The following ABTB3 variants were observed in gnomAD, a reference collection of about 807,000 sequenced individuals.
ABTB3 encodes ankyrin repeat- and BTB/POZ domain-containing protein 3.
At chr12:107,629,732 G>T in the ABTB3 span, among the ~76,000 whole-genome samples, 1 of 151,672 alleles carries the variant, frequency 6.6e-6, no homozygotes, top group South Asian at 2.1e-4. Flanking sequence ...AAAGCACTGT[G>T]CTTAAATGTG....
At chr12:107,460,770 G>C in the ABTB3 span, among the ~76,000 whole-genome samples, 47 of 152,224 alleles carry the variant, frequency 3.1e-4, no homozygotes, top group African/African-American at 1.1e-3. Flanking sequence ...GGGGCTGGGG[G>C]TTGTGTGATG....
At chr12:107,414,151 G>A in the ABTB3 span, among the ~76,000 whole-genome samples, 2 of 152,154 alleles carry the variant, frequency 1.3e-5, no homozygotes, top group African/African-American at 2.4e-5. Flanking sequence ...TTTTTAGACT[G>A]ATTAGAATCT....
the ABTB3 span, among the ~76,000 whole-genome samples, chr12:107,637,859 A>G: frequency 1.3e-4 from 19 of 149,966 alleles, no homozygotes; most frequent in Admixed American, 7.3e-4. Context: ...TGCCCTCCCA[A>G]TGAATTCTGG....
chr12:107,517,548 C>T, the ABTB3 span, among the ~76,000 whole-genome samples: 1 of 152,128 alleles, frequency 6.6e-6, no homozygotes, highest in South Asian at 2.1e-4. Flanking sequence ...TTTTGTTGAG[C>T]AATGGTTTGT....
the ABTB3 span, among the ~76,000 whole-genome samples, chr12:107,444,372 G>C: frequency 1.1e-4 from 16 of 152,310 alleles, no homozygotes; most frequent in African/African-American, 3.1e-4. Context: ...TGGCAGGCCT[G>C]GCTAGGCCTG....
the ABTB3 span, among the ~76,000 whole-genome samples, chr12:107,331,004 A>G: frequency 6.6e-6 from 1 of 152,154 alleles, no homozygotes; most frequent in Middle Eastern, 3.2e-3. Context: ...CTTAAAGTAC[A>G]GTGCCTGCCT....
the ABTB3 span, among the ~76,000 whole-genome samples, chr12:107,406,390 A>G: frequency 2.4e-4 from 36 of 152,192 alleles, no homozygotes; most frequent in African/African-American, 8.0e-4. Flanking sequence ...TGATCACACC[A>G]CTATATTCCA....
At chr12:107,448,558 T>C in the ABTB3 span, among the ~76,000 whole-genome samples, 1 of 152,196 alleles carries the variant, frequency 6.6e-6, no homozygotes, top group South Asian at 2.1e-4. Context: ...CAAGGCATGG[T>C]GTGCAAAGCA....
At chr12:107,449,869 T>G in the ABTB3 span, among the ~76,000 whole-genome samples, 1 of 152,108 alleles carries the variant, frequency 6.6e-6, no homozygotes, top group Non-Finnish European at 1.5e-5. Flanking sequence ...CTTGAACTCC[T>G]GGCTTCAAGC....
At chr12:107,408,897 G>C in the ABTB3 span, among the ~76,000 whole-genome samples, 1 of 152,232 alleles carries the variant, frequency 6.6e-6, no homozygotes, top group Admixed American at 6.5e-5. Context: ...TGGTGAGCAA[G>C]ACCCAGGATC....
At chr12:107,489,155 G>A in the ABTB3 span, among the ~76,000 whole-genome samples, 1 of 152,142 alleles carries the variant, frequency 6.6e-6, no homozygotes, top group Non-Finnish European at 1.5e-5. Context: ...GGTAAGATTG[G>A]CACTTAAGTA....
At chr12:107,427,283 A>G in the ABTB3 span, among the ~76,000 whole-genome samples, 1 of 140,620 alleles carries the variant, frequency 7.1e-6, no homozygotes, top group East Asian at 2.1e-4. Context: ...CTGTGTCCCT[A>G]TTTTTTTTTT....
chr12:107,379,486 C>G, the ABTB3 span, among the ~76,000 whole-genome samples: 1 of 152,144 alleles, frequency 6.6e-6, no homozygotes, highest in Non-Finnish European at 1.5e-5. Context: ...GTAAGACGTG[C>G]CTTTGCTCCT....
chr12:107,571,380 G>A, the ABTB3 span, among the ~76,000 whole-genome samples: 1 of 152,256 alleles, frequency 6.6e-6, no homozygotes, highest in Non-Finnish European at 1.5e-5. Flanking sequence ...AGCACCAGAT[G>A]TGAAGGTGTA....
At chr12:107,612,904 G>A in the ABTB3 span, 48 of 1,593,588 alleles carry the variant, frequency 3.0e-5, no homozygotes, top group Admixed American at 6.8e-5. Context: ...CCCCTCGGCC[G>A]GCAGTCCCCA....
the ABTB3 span, among the ~76,000 whole-genome samples, chr12:107,531,732 C>T: frequency 6.6e-6 from 1 of 152,096 alleles, no homozygotes; most frequent in African/African-American, 2.4e-5. Context: ...TAGTCCCTCC[C>T]TGCTCCCCAC....
chr12:107,646,977 C>G, the ABTB3 span, among the ~76,000 whole-genome samples: 1 of 152,034 alleles, frequency 6.6e-6, no homozygotes, highest in Non-Finnish European at 1.5e-5. Context: ...AAGCACAGGA[C>G]TAGAAGAGAG....
At chr12:107,555,563 T>A in the ABTB3 span, among the ~76,000 whole-genome samples, 1 of 152,176 alleles carries the variant, frequency 6.6e-6, no homozygotes, top group Non-Finnish European at 1.5e-5. Flanking sequence ...CTTTATTTCA[T>A]GGGAAAACGG....
At chr12:107,427,794 A>C in the ABTB3 span, among the ~76,000 whole-genome samples, 3 of 152,220 alleles carry the variant, frequency 2.0e-5, no homozygotes, top group Non-Finnish European at 4.4e-5. Context: ...CTTATGATCA[A>C]AGTTTAATGC....
Sources: allele counts gnomAD v4.1 joint callset (sites outside exome capture counted in the v4.1 genomes callset), GRCh38; gene constraint gnomAD v4.1.1; transcripts MANE v1.5; gene names NCBI Gene and HGNC (gene_info 2026-07-23, HGNC 2026-07-21).